The following IGF2BP2 variants were observed in gnomAD, a reference collection of about 807,000 sequenced individuals.
IGF2BP2 encodes insulin like growth factor 2 mRNA binding protein 2.
IGF2BP2 carries 17 observed loss-of-function variants against 75.8 expected under a neutral mutation model. The ratio of observed to expected loss-of-function variants is 0.22; its 90% CI spans 0.15 to 0.34. The LOEUF (loss-of-function observed/expected upper bound fraction) is 0.34. Ranked by LOEUF, IGF2BP2 falls within the 10% of genes least tolerant of loss-of-function variation. The pLI, the probability that IGF2BP2 is intolerant of heterozygous loss-of-function variation, is 1.00. For synonymous variants in IGF2BP2, 288 were observed against 295.6 expected (o/e 0.97, Z 0.26); for missense variants, 516 against 772.4 (o/e 0.67, Z 3.93).
In IGF2BP2 at chr3:185,719,542, T is replaced by C. The variant is rs376249470; in HGVS notation, c.240-21195A>G. 2.4e-4 allele frequency among the ~76,000 whole-genome samples: 37 copies of C among 152,166 alleles called. No homozygotes were observed. The South Asian group carries it at 6.9e-3, about 28-fold the overall frequency. ...AGGAGTGTTGACTGGGGAGTGAATA[T>C]TGGAGTACAGGCTGGGTGTGGTGGC... On this transcript the variant is annotated intron_variant, in intron 2 of 15. Coordinates refer to ENST00000382199, the MANE Select transcript of IGF2BP2 (RefSeq NM_006548.6).
chr3:185,795,984 T>C (rs1001374752), intron 2 of IGF2BP2, among the ~76,000 whole-genome samples: 7 of 152,276 alleles, frequency 4.6e-5, no homozygotes, highest in African/African-American at 1.2e-4. Flanking sequence ...TTTTTAGAGA[T>C]TGTATGATGT....
At chr3:185,662,607 G>C (rs1334349778) in intron 10 of IGF2BP2, among the ~76,000 whole-genome samples, 12 of 142,314 alleles carry the variant, frequency 8.4e-5, no homozygotes, top group Admixed American at 6.4e-4. Context: ...GCAGTGGCAT[G>C]ATCTTGGCCC....
In IGF2BP2 at chr3:185,644,100, G is replaced by A. The variant is rs1713107021; in HGVS notation, c.*1431C>T. On this transcript the variant is annotated 3_prime_UTR_variant, in exon 16 of 16. Transcript: ENST00000382199. ...GACTGTCACCTTCTCCAGGCTGGCA[G>A]TTGATATCTTATTTTTTTTCCAACT... is the stretch of plus-strand genomic sequence containing the variant. 6.6e-6 allele frequency: 1 copy of A among 152,186 alleles called. No homozygotes were observed. Among genetic ancestry groups the A allele is most frequent in the African/African-American group, 2.4e-5 (1 of 41,300 alleles). The allele number at this position is 152,186 out of a possible 1,614,324, so 9.4% of individuals were successfully genotyped here.
intron 9 of IGF2BP2, 100 bp downstream of exon 9, chr3:185,675,196 A>G: frequency 1.6e-6 from 2 of 1,232,490 alleles, no homozygotes; most frequent in Non-Finnish European, 2.2e-6. Context: ...AAGTCAGGAA[A>G]AACTCTGCAT....
chr3:185,762,550 A>C (rs1732522300), intron 2 of IGF2BP2, among the ~76,000 whole-genome samples: 1 of 151,676 alleles, frequency 6.6e-6, no homozygotes, highest in Non-Finnish European at 1.5e-5. Flanking sequence ...AAAAAAAAGA[A>C]AAGAAAAAGA....
At chr3:185,778,424 T>G (rs1005139211) in intron 2 of IGF2BP2, among the ~76,000 whole-genome samples, 10 of 152,196 alleles carry the variant, frequency 6.6e-5, no homozygotes, top group Non-Finnish European at 1.3e-4. Context: ...AGTCAACTTT[T>G]TTCTCATCAA....
intron 2 of IGF2BP2, chr3:185,716,841 T>A (rs763479100): frequency 3.9e-6 from 2 of 510,804 alleles, no homozygotes; most frequent in East Asian, 1.1e-4. Flanking sequence ...GCAGCCTGGA[T>A]CAGAGCTCCG....
intron 2 of IGF2BP2, among the ~76,000 whole-genome samples, chr3:185,750,720 C>T (rs372113918): frequency 6.6e-6 from 1 of 152,244 alleles, no homozygotes; most frequent in Non-Finnish European, 1.5e-5. Context: ...TCCTGTATCC[C>T]TGTCTCTGCT....
At chr3:185,648,273 C>T (rs1713948602) in intron 14 of IGF2BP2, among the ~76,000 whole-genome samples, 1 of 151,878 alleles carries the variant, frequency 6.6e-6, no homozygotes, top group Non-Finnish European at 1.5e-5. Flanking sequence ...CCTGACCTGA[C>T]CAAAATGGTG....
intron 7 of IGF2BP2, among the ~76,000 whole-genome samples, chr3:185,676,879 G>A (rs1310134537): frequency 7.1e-6 from 1 of 140,708 alleles, no homozygotes; most frequent in Non-Finnish European, 1.5e-5. Flanking sequence ...ATATATATAT[G>A]GAGATGTATA....
At chr3:185,806,406 A>G (rs760166048) in intron 2 of IGF2BP2, among the ~76,000 whole-genome samples, 1 of 152,198 alleles carries the variant, frequency 6.6e-6, no homozygotes, top group South Asian at 2.1e-4. Context: ...CTAAAGAGTA[A>G]GCACTCCTAA....
intron 7 of IGF2BP2, among the ~76,000 whole-genome samples, chr3:185,683,590 G>A (rs1168832669): frequency 1.3e-5 from 2 of 151,998 alleles, no homozygotes; most frequent in Non-Finnish European, 2.9e-5. Context: ...TGTATTTTTA[G>A]TAGAGACGAG....
intron 7 of IGF2BP2, among the ~76,000 whole-genome samples, chr3:185,676,943 TATATATATGGAG>T (rs1719481780): frequency 2.1e-5 from 3 of 140,564 alleles, no homozygotes; most frequent in Admixed American, 7.4e-5. Flanking sequence ...GAGAGAGACA[TATATATATGGAG>T]ATATATATAC....
chr3:185,796,169 A>C (rs1353457399), intron 2 of IGF2BP2, among the ~76,000 whole-genome samples: 4 of 152,188 alleles, frequency 2.6e-5, no homozygotes, highest in Admixed American at 1.3e-4. Flanking sequence ...TTAAAGGATT[A>C]CTATGTCTTT....
At chr3:185,752,659 G>T (rs1484665832) in intron 2 of IGF2BP2, among the ~76,000 whole-genome samples, 1 of 151,704 alleles carries the variant, frequency 6.6e-6, no homozygotes, top group Non-Finnish European at 1.5e-5. Context: ...GCATGATCTT[G>T]GCTCACTGCA....
intron 2 of IGF2BP2, among the ~76,000 whole-genome samples, chr3:185,800,712 CAA>C (rs771161283): frequency 1.2e-5 from 1 of 82,724 alleles, no homozygotes; most frequent in Admixed American, 1.0e-4. Context: ...GTGACTGAGC[CAA>C]AAAAAAAGAA....
intron 2 of IGF2BP2, among the ~76,000 whole-genome samples, chr3:185,807,608 C>T (rs1739193385): frequency 6.6e-6 from 1 of 152,248 alleles, no homozygotes; most frequent in Non-Finnish European, 1.5e-5. Context: ...AGATTCTCAT[C>T]TCCTGGTATT....
intron 2 of IGF2BP2, 31 bp from the exon 3 acceptor site, chr3:185,698,378 T>C (rs777101818): frequency 6.9e-6 from 11 of 1,599,218 alleles, no homozygotes; most frequent in African/African-American, 6.7e-5. Context: ...ACTATAACAC[T>C]TTCTCCAGGA....
intron 2 of IGF2BP2, among the ~76,000 whole-genome samples, chr3:185,804,795 C>T (rs575733517): frequency 1.3e-4 from 20 of 152,054 alleles, no homozygotes; most frequent in Admixed American, 5.9e-4. Flanking sequence ...CGAGACCATC[C>T]TGGCTAACAC....
Sources: gnomAD v4.1 joint callset for allele counts (sites outside exome capture counted in the v4.1 genomes callset) on GRCh38, gnomAD v4.1.1 for gene constraint, MANE v1.5 for transcripts, NCBI Gene and HGNC (gene_info 2026-07-23, HGNC 2026-07-21) for gene names.